ZNF862: variants seen among roughly 807,000 people sequenced by gnomAD.
The protein encoded by ZNF862 is zinc finger protein 862.
Under a neutral mutation model 91.1 loss-of-function variants are expected in ZNF862, and 64 were observed. The observed-to-expected ratio is 0.70, with a 90% confidence interval of 0.57 to 0.87. ZNF862 has a LOEUF of 0.87. Among genes scored for constraint, ZNF862 ranks in the 40% least tolerant of loss-of-function variants. The pLI is 0.00. For synonymous variants in ZNF862, 631 were observed against 618.1 expected, an observed-to-expected ratio of 1.02 and a Z score of -0.31; for missense variants, 1,459 against 1,528.0, an observed-to-expected ratio of 0.95 and a Z score of 0.75.
Position 149,861,132 on chromosome 7 carries a change from A to T in ZNF862, c.1972A>T (p.Thr658Ser), listed in dbSNP as rs1339043272. ...KQMEVKESYI[T>S]LAPLYSETAD... ...GATGGAGGTGAAAGAGTCCTACATC[A>T]CTCTGGCCCCTCTCTACAGTGAGAC... The change falls in exon 7 of 8, where the codon ACT (threonine) becomes TCT (serine). Residue 658 changes from threonine to serine, a missense_variant. Coordinates refer to ENST00000223210, the MANE Select transcript of ZNF862 (RefSeq NM_001099220.3). This position sits in a 1 kb window ranked among gnomAD's most constrained non-coding sequence, Gnocchi z 6.7. 6.2e-7 allele frequency: 1 copy of T among 1,612,804 alleles called. No individual in the cohort carries two copies. Among genetic ancestry groups the T allele is most frequent in the Non-Finnish European group, 8.5e-7 (1 of 1,179,806 alleles).
chr7:149,847,285 A>C (rs1801902443), intron 3 of ZNF862, among the ~76,000 whole-genome samples: 1 of 152,228 alleles, frequency 6.6e-6, no homozygotes, highest in Non-Finnish European at 1.5e-5. Context: ...CCTGGGGACC[A>C]AAACTGCCTG....
chr7:149,841,979 G>T (rs1349814876), intron 1 of ZNF862, among the ~76,000 whole-genome samples: 1 of 152,178 alleles, frequency 6.6e-6, no homozygotes, highest in African/African-American at 2.4e-5. Flanking sequence ...GCATGGTTGT[G>T]GGGGGAAGGG....
Position 149,861,056 on chromosome 7 carries a change from C to T in ZNF862, c.1896C>T (p.Thr632=), listed in dbSNP as rs746655600. ...PCVSVLLDSS[T]DASEQACVGI... is the part of the protein sequence containing the mutation. Reference sequence around the variant, plus strand: ...TGAGCGTGCTGCTGGACAGCTCCACCGACGCCTCCGAGCAGGCCTGCGTGG... The same window carrying T: ...TGAGCGTGCTGCTGGACAGCTCCACTGACGCCTCCGAGCAGGCCTGCGTGG... The change falls in exon 7 of 8, where the codon ACC becomes ACT. Residue 632 remains threonine, a synonymous_variant. Transcript: ENST00000223210. The surrounding 1 kb of genome is among the most constrained non-coding windows in gnomAD (Gnocchi z 6.7). 9.9e-6 allele frequency: 16 copies of T among 1,612,412 alleles called. No individual in the cohort carries two copies. The highest frequency in any genetic ancestry group is 2.2e-5 in the East Asian group (1 of 44,844).
chr7:149,863,758 T>TTGGGGAATCTCG (rs1802606471), intron 7 of ZNF862, among the ~76,000 whole-genome samples: 1 of 152,042 alleles, frequency 6.6e-6, no homozygotes, highest in African/African-American at 2.4e-5. Flanking sequence ...GGGTAATCTC[T>TTGGGGAATCTCG]GTTGGGGGCC....
chr7:149,848,965 T>C (rs1801971268), intron 4 of ZNF862, among the ~76,000 whole-genome samples: 1 of 152,138 alleles, frequency 6.6e-6, no homozygotes, highest in Admixed American at 6.5e-5. Flanking sequence ...CACACCTGGA[T>C]AATTTTTTAT....
At chr7:149,843,347 T>C (rs1586039988) in intron 1 of ZNF862, among the ~76,000 whole-genome samples, 1 of 152,234 alleles carries the variant, frequency 6.6e-6, no homozygotes, top group South Asian at 2.1e-4. Context: ...TAATTTGATT[T>C]ATTTCTTTTT....
intron 4 of ZNF862, among the ~76,000 whole-genome samples, 171 bp downstream of exon 4, chr7:149,848,603 C>T (rs896889802): frequency 2.6e-5 from 4 of 152,154 alleles, no homozygotes; most frequent in Admixed American, 6.5e-5. Flanking sequence ...GTTTTAGACG[C>T]GTTCCATGTA....
At chr7:149,848,557 G>T in intron 4 of ZNF862, 125 bp downstream of exon 4, 2 of 755,832 alleles carry the variant, frequency 2.6e-6, no homozygotes, top group Non-Finnish European at 2.0e-6. Flanking sequence ...TCATAATGTT[G>T]GCATATACCA....
intron 1 of ZNF862, 131 bp from the exon 2 acceptor site, chr7:149,844,493 TG>T: frequency 3.3e-6 from 2 of 608,334 alleles, no homozygotes; most frequent in Non-Finnish European, 5.9e-6. Flanking sequence ...TGGGGAGAGA[TG>T]GGGTGTGGGC....
intron 5 of ZNF862, 157 bp from the exon 6 acceptor site, chr7:149,859,265 T>C: frequency 4.3e-6 from 3 of 699,134 alleles, no homozygotes; most frequent in Admixed American, 4.5e-5. Flanking sequence ...TCTTTGGCAC[T>C]CTGGGTTTGC....
At position 149,860,481 on chromosome 7, in the gene ZNF862, T is replaced by C. The variant is rs781220098; in HGVS notation, c.1321T>C (p.Cys441Arg). The C allele has an allele frequency of 2.5e-6, 4 of 1,614,004 alleles. No homozygotes were observed. Among genetic ancestry groups the C allele is most frequent in the Non-Finnish European group, 3.4e-6 (4 of 1,179,892 alleles). The change falls in exon 7 of 8, where the codon TGC (cysteine) becomes CGC (arginine). Residue 441 changes from cysteine to arginine, a missense_variant. By Grantham distance (180) the Cys-to-Arg change is radical (BLOSUM62 -3). Transcript: ENST00000223210. ...PGSPVEARAS[C>R]CSSSICEEGD... Reference sequence around the variant, plus strand: ...CTCTCCCGTGGAGGCCCGTGCCTCCTGCTGCAGTTCCAGCATTTGTGAGGA... The same window carrying C: ...CTCTCCCGTGGAGGCCCGTGCCTCCCGCTGCAGTTCCAGCATTTGTGAGGA...
At chr7:149,851,723 C>T (rs1802073533) in intron 5 of ZNF862, 1 of 152,218 alleles carries the variant, frequency 6.6e-6, no homozygotes, top group African/African-American at 2.4e-5. Context: ...TGTGTGTTGA[C>T]AGAGCATGAT....
At position 149,864,251 on chromosome 7, in the gene ZNF862, C is replaced by A; in HGVS notation, c.3477C>A (p.Pro1159=). 6.2e-7 allele frequency: 1 copy of A among 1,603,040 alleles called. No individual in the cohort carries two copies. Among genetic ancestry groups the A allele is most frequent in the Non-Finnish European group, 8.5e-7 (1 of 1,175,532 alleles). Reference sequence around the variant, plus strand: ...AGCCTCCCGAGAGACTCCTGTATCCCCACACCAGCCAGGAGGCCCCCGGGA... The same window carrying A: ...AGCCTCCCGAGAGACTCCTGTATCCACACACCAGCCAGGAGGCCCCCGGGA... ...IMEPPERLLY[P]HTSQEAPGMS The change falls in exon 8 of 8, where the codon CCC becomes CCA. Residue 1159 remains proline (P), a synonymous_variant. Coordinates refer to ENST00000223210, the MANE Select transcript of ZNF862 (RefSeq NM_001099220.3).
chr7:149,844,107 T>C (rs1358635488), intron 1 of ZNF862, among the ~76,000 whole-genome samples: 1 of 152,108 alleles, frequency 6.6e-6, no homozygotes, highest in East Asian at 1.9e-4. Context: ...CTCCAAACAC[T>C]TTCTGAACTC....
In ZNF862 at chr7:149,862,268, C is replaced by T; in HGVS notation, c.3108C>T (p.Thr1036=). 6.2e-7 allele frequency: 1 copy of T among 1,613,848 alleles called. No homozygotes were observed. The highest frequency in any genetic ancestry group is 8.5e-7 in the Non-Finnish European group (1 of 1,179,870). ...TGGTGGTCTGTGTGCCCATCTCCAC[C>T]TCTTGCTGTGAGCGGGGGTTCAAGG... ...MAVVVCVPIS[T]SCCERGFKAM... The change falls in exon 7 of 8, where the codon ACC becomes ACT. Residue 1036 remains threonine (T), a synonymous_variant. Coordinates refer to ENST00000223210, the MANE Select transcript of ZNF862 (RefSeq NM_001099220.3).
Position 149,848,230 on chromosome 7 carries a change from G to C in ZNF862, c.737G>C (p.Gly246Ala). The C allele has an allele frequency of 1.2e-6, 2 of 1,613,762 alleles. No homozygotes were observed. The highest frequency in any genetic ancestry group is 1.7e-6 in the Non-Finnish European group (2 of 1,179,792). The change falls in exon 4 of 8, where the codon GGG (glycine) becomes GCG (alanine). Residue 246 changes from glycine (G) to alanine (A), a missense_variant. Transcript: ENST00000223210. The part of the protein sequence containing the change: ...TADCPIFYPP[G>A]PLGGFDSMAE... Reference sequence around the variant, plus strand: ...GATTGCCCCATATTCTACCCCCCAGGGCCTCTGGGAGGATTTGATAGCATG... The same window carrying C: ...GATTGCCCCATATTCTACCCCCCAGCGCCTCTGGGAGGATTTGATAGCATG...
rs1342735031 is a variant in ZNF862, at chr7:149,855,189, C to A, written c.1118-4233C>A. On this transcript the variant is annotated intron_variant, in intron 5 of 7. Transcript: ENST00000223210. The surrounding 1 kb of genome is among the most constrained non-coding windows in gnomAD (Gnocchi z 4.1). The stretch of plus-strand genomic sequence containing the variant: ...GCAGGAGAGCGTGCCTGTGAGCTCA[C>A]AAGCATGCTGGAACACATGGGGCAG... 2.0e-5 allele frequency among the ~76,000 whole-genome samples: 3 copies of A among 152,196 alleles called. No individual in the cohort carries two copies. Among genetic ancestry groups the A allele is most frequent in the Non-Finnish European group, 4.4e-5 (3 of 68,040 alleles).
intron 3 of ZNF862, among the ~76,000 whole-genome samples, chr7:149,846,694 G>A (rs1801885450): frequency 1.3e-5 from 2 of 152,182 alleles, no homozygotes; most frequent in South Asian, 4.1e-4. Context: ...GGTTGGCTTA[G>A]CCAGGCCAGA....
In ZNF862 at chr7:149,860,594, T is replaced by C. The variant is rs1479289697; in HGVS notation, c.1434T>C (p.Ile478=). The C allele has an allele frequency of 6.2e-7, 1 of 1,614,000 alleles. No homozygotes were observed. Among genetic ancestry groups the C allele is most frequent in the Non-Finnish European group, 8.5e-7 (1 of 1,179,886 alleles). Reference sequence around the variant, plus strand: ...TTGGGCAGTTCCCATGGTTAGTAATTGACCCCAAAGAGACCAAACTCTTCT... The same window carrying C: ...TTGGGCAGTTCCCATGGTTAGTAATCGACCCCAAAGAGACCAAACTCTTCT... The part of the protein sequence containing the change: ...SWFGQFPWLV[I]DPKETKLFCS... Residue 478 remains isoleucine (I), a synonymous_variant, in exon 7 of 8, where the codon ATT becomes ATC. Transcript: ENST00000223210.
Sources: gnomAD v4.1 joint callset for allele counts (sites outside exome capture counted in the v4.1 genomes callset) on GRCh38, gnomAD v4.1.1 for gene constraint, Gnocchi (gnomAD v3.1) non-coding constraint, MANE v1.5 for transcripts, NCBI Gene and HGNC (gene_info 2026-07-23, HGNC 2026-07-21) for gene names.